The following AGAP1 variants were observed in gnomAD, a reference collection of about 807,000 sequenced individuals.
The protein encoded by AGAP1 is arf-GAP with GTPase, ANK repeat and PH domain-containing protein 1.
AGAP1 carries 29 observed loss-of-function variants against 105.3 expected under a neutral mutation model. The observed-to-expected ratio is 0.28, with a 90% CI of 0.21 to 0.38. The LOEUF (loss-of-function observed/expected upper bound fraction) is 0.38, where lower values mean the gene tolerates loss of function less well. Among genes scored for constraint, AGAP1 ranks in the 10% least tolerant of loss-of-function variants. The pLI is 1.00. For missense variants in AGAP1, 998 were observed against 1,165.1 expected (o/e 0.86, Z 2.09); for synonymous variants, 509 against 485.9 (o/e 1.05, Z -0.63).
chr2:235,645,957 C>CT (rs1222285339), intron 1 of AGAP1, among the ~76,000 whole-genome samples: 1 of 152,110 alleles, frequency 6.6e-6, no homozygotes, highest in Non-Finnish European at 1.5e-5. Flanking sequence ...GAAACCAAGT[C>CT]TATCAAGCTT....
In AGAP1 at chr2:236,001,594, T is replaced by C. The variant is rs1009650669; in HGVS notation, c.1645+32971T>C. Among the ~76,000 whole-genome samples the C allele has an allele frequency of 1.3e-5, 2 of 151,244 alleles. No individual in the cohort carries two copies. The highest frequency in any genetic ancestry group is 4.9e-5 in the African/African-American group (2 of 41,046). ...GAGCTGGCAGGACTTGCTGAAAGAG[T>C]TAATATGGGAAGTGAGAGGACACAG... On this transcript the variant is annotated intron_variant, in intron 13 of 17. Transcript: ENST00000304032. The surrounding 1 kb of genome is among the most constrained non-coding windows in gnomAD (Gnocchi z 4.7).
At chr2:235,502,329 T>G (rs1460550469) in intron 1 of AGAP1, among the ~76,000 whole-genome samples, 1 of 152,104 alleles carries the variant, frequency 6.6e-6, no homozygotes, top group Non-Finnish European at 1.5e-5. Flanking sequence ...GATAGCTTGT[T>G]TGTGTGCGAG....
rs114751483 is a variant in AGAP1 at position 235,783,661 on chromosome 2, A to G, written c.674-14098A>G. Among the ~76,000 whole-genome samples, 482 of 152,350 alleles carry G rather than the reference A, an allele frequency of 3.2e-3. 4 individuals are homozygous for G. Among genetic ancestry groups the G allele is most frequent in the African/African-American group, 0.011 (466 of 41,582 alleles). ...AATGATTCCATTTATATGAAGTTCT[A>G]CAACGGGCAAACTGATTGGTGATGA... is the stretch of plus-strand genomic sequence containing the variant. On this transcript the variant is annotated intron_variant, in intron 6 of 17. Coordinates refer to ENST00000304032, the MANE Select transcript of AGAP1 (RefSeq NM_001037131.3).
At chr2:236,091,488 A>T (rs1235322952) in intron 16 of AGAP1, among the ~76,000 whole-genome samples, 1 of 152,198 alleles carries the variant, frequency 6.6e-6, no homozygotes, top group African/African-American at 2.4e-5. Context: ...AGAAAAACCT[A>T]GGCCGGGCGC....
intron 13 of AGAP1, among the ~76,000 whole-genome samples, chr2:236,024,590 T>G (rs899124703): frequency 1.8e-4 from 27 of 152,154 alleles, no homozygotes; most frequent in African/African-American, 5.8e-4. Context: ...TTTAACCCTT[T>G]GTCTGCTAGA....
rs375728108 is a variant in AGAP1, at chr2:235,927,171, G to A, written c.1325-3594G>A. 3.5e-4 allele frequency among the ~76,000 whole-genome samples: 54 copies of A among 152,274 alleles called. No individual in the cohort carries two copies. The highest frequency in any genetic ancestry group is 7.2e-4 in the Admixed American group (11 of 15,290). On this transcript the variant is annotated intron_variant, in intron 11 of 17. Coordinates refer to ENST00000304032, the MANE Select transcript of AGAP1 (RefSeq NM_001037131.3). This position sits in a 1 kb window ranked among gnomAD's most constrained non-coding sequence, Gnocchi z 4.4. ...GGAAGTGGGTGTGGCTGGGGCTGGG[G>A]GGCCTTCACGAGCTATAGGGCTCTA... is the stretch of plus-strand genomic sequence containing the variant.
rs946520237 is a variant in AGAP1 at position 235,793,443 on chromosome 2, G to A, written c.674-4316G>A. Among the ~76,000 whole-genome samples, 2 of 152,194 alleles carry A rather than the reference G, an allele frequency of 1.3e-5. No homozygotes were observed. The highest frequency in any genetic ancestry group is 2.4e-5 in the African/African-American group (1 of 41,450). On this transcript the variant is annotated intron_variant, in intron 6 of 17. Transcript: ENST00000304032. The surrounding 1 kb of genome is among the most constrained non-coding windows in gnomAD (Gnocchi z 5.3). ...TGCAGGGCAAAAGAACACATGATTCGTGCTGTGGAACCAGGACAGTCTGTT... is the reference window on the plus strand; with the variant it reads ...TGCAGGGCAAAAGAACACATGATTCATGCTGTGGAACCAGGACAGTCTGTT...
At chr2:236,102,796 CAG>C (rs1215748715) in intron 16 of AGAP1, among the ~76,000 whole-genome samples, 3 of 152,138 alleles carry the variant, frequency 2.0e-5, no homozygotes, top group Non-Finnish European at 4.4e-5. Flanking sequence ...TGTTTTACAA[CAG>C]ATTAGAAAAT....
chr2:235,783,179 G>A (rs778295335), intron 6 of AGAP1: 1 of 340,578 alleles, frequency 2.9e-6, no homozygotes, highest in Non-Finnish European at 5.9e-6. Context: ...AAGACAAAGT[G>A]TTTCTCAGGC....
chr2:235,850,217 G>A (rs1962030668), intron 9 of AGAP1, among the ~76,000 whole-genome samples: 1 of 152,244 alleles, frequency 6.6e-6, no homozygotes, highest in South Asian at 2.1e-4. Flanking sequence ...TGGAGATTCT[G>A]GAAGGAAGAT....
intron 11 of AGAP1, among the ~76,000 whole-genome samples, chr2:235,917,194 C>T (rs796441175): frequency 2.0e-4 from 30 of 152,090 alleles, no homozygotes; most frequent in African/African-American, 6.3e-4. Flanking sequence ...AGGCCCCCAG[C>T]GGTTTCGAAA....
intron 13 of AGAP1, among the ~76,000 whole-genome samples, chr2:235,987,820 G>A (rs1046883159): frequency 3.3e-5 from 5 of 152,024 alleles, no homozygotes; most frequent in African/African-American, 7.2e-5. Context: ...TGTGAGAACC[G>A]CCAAATTCTT....
At chr2:235,997,177 C>T (rs989944596) in intron 13 of AGAP1, among the ~76,000 whole-genome samples, 8 of 152,188 alleles carry the variant, frequency 5.3e-5, no homozygotes, top group African/African-American at 1.9e-4. Flanking sequence ...GCAACTTCTG[C>T]CTCCCAGGTT....
At chr2:236,103,057 G>A (rs555173048) in intron 16 of AGAP1, among the ~76,000 whole-genome samples, 4 of 125,464 alleles carry the variant, frequency 3.2e-5, no homozygotes, top group Admixed American at 1.1e-4. Context: ...TCCAGGGCCC[G>A]ACCCATTAAT....
intron 1 of AGAP1, among the ~76,000 whole-genome samples, chr2:235,519,963 T>C (rs954295157): frequency 7.2e-5 from 11 of 152,216 alleles, no homozygotes; most frequent in African/African-American, 2.6e-4. Flanking sequence ...TTTTGTATTT[T>C]TAATAGGGAT....
intron 2 of AGAP1, among the ~76,000 whole-genome samples, chr2:235,711,764 A>G (rs1057186047): frequency 3.3e-5 from 5 of 152,068 alleles, no homozygotes; most frequent in African/African-American, 1.2e-4. Context: ...TTTGTTCCCT[A>G]GGCAGCCTCC....
In AGAP1 at chr2:236,009,627, A is replaced by G. The variant is rs1488860344; in HGVS notation, c.1646-26934A>G. Among the ~76,000 whole-genome samples, 1 of 152,200 alleles carries G rather than the reference A, an allele frequency of 6.6e-6. No homozygotes were observed. The highest frequency in any genetic ancestry group is 1.5e-5 in the Non-Finnish European group (1 of 68,032). ...AGAGAGGGCTATTTGTTTCATTCAA[A>G]GACAAGACATTGTTAGAAATGAGTG... On this transcript the variant is annotated intron_variant, in intron 13 of 17. Transcript: ENST00000304032. The surrounding 1 kb of genome is among the most constrained non-coding windows in gnomAD (Gnocchi z 4.2).
intron 1 of AGAP1, among the ~76,000 whole-genome samples, chr2:235,495,737 T>C (rs1183203048): frequency 6.6e-6 from 1 of 152,232 alleles, no homozygotes; most frequent in Non-Finnish European, 1.5e-5. Context: ...GCTGATTTAT[T>C]TTCTTGCTTC....
Position 236,061,508 on chromosome 2 carries a change from G to A in AGAP1, c.2114+12227G>A, listed in dbSNP as rs955918942. On this transcript the variant is annotated intron_variant, in intron 16 of 17. Transcript: ENST00000304032. The surrounding 1 kb of genome is among the most constrained non-coding windows in gnomAD (Gnocchi z 4.1). ...ACATGGTCTGTCCGTACACCAGAAC[G>A]TGATTCTGCCATGGGAAGGAGTGAA... 2.0e-5 allele frequency among the ~76,000 whole-genome samples: 3 copies of A among 152,318 alleles called. No homozygotes were observed. Among genetic ancestry groups the A allele is most frequent in the South Asian group, 2.1e-4 (1 of 4,826 alleles).
Sources: gnomAD v4.1 joint callset for allele counts (sites outside exome capture counted in the v4.1 genomes callset) on GRCh38, gnomAD v4.1.1 for gene constraint, Gnocchi (gnomAD v3.1) non-coding constraint, MANE v1.5 for transcripts, NCBI Gene and HGNC (gene_info 2026-07-23, HGNC 2026-07-21) for gene names.